ACVR1: variants seen among roughly 807,000 people sequenced by gnomAD.
ACVR1 encodes the protein activin receptor type-1.
ACVR1 carries 38 observed loss-of-function variants against 57.1 expected under a neutral mutation model. The ratio of observed to expected loss-of-function variants is 0.67; its 90% CI spans 0.51 to 0.87. ACVR1 has a LOEUF of 0.87. Among genes scored for constraint, ACVR1 ranks in the 40% least tolerant of loss-of-function variants. The pLI, the probability that ACVR1 is intolerant of heterozygous loss-of-function variation, is 0.00. For missense variants in ACVR1, 463 were observed against 638.2 expected (o/e 0.73, Z 2.96); for synonymous variants, 212 against 228.1 (o/e 0.93, Z 0.63).
chr2:157,871,930 C>T (rs1159406976), intron 1 of ACVR1, among the ~76,000 whole-genome samples: 3 of 152,172 alleles, frequency 2.0e-5, no homozygotes, highest in African/African-American at 7.2e-5. Flanking sequence ...GAGGCTCTTT[C>T]AAAAGGAGTC....
At chr2:157,773,441 C>G (rs906631286) in intron 6 of ACVR1, among the ~76,000 whole-genome samples, 5 of 152,264 alleles carry the variant, frequency 3.3e-5, no homozygotes, top group Middle Eastern at 6.8e-3. Context: ...TATCATTCCA[C>G]GGACTGCTAC....
At chr2:157,783,546 G>A (rs1188548720) in intron 3 of ACVR1, among the ~76,000 whole-genome samples, 1 of 152,118 alleles carries the variant, frequency 6.6e-6, no homozygotes, top group Admixed American at 6.5e-5. Flanking sequence ...GTTGTATGTG[G>A]ACAACCAGGG....
chr2:157,767,013 TGGA>T (rs1197621237), intron 7 of ACVR1, among the ~76,000 whole-genome samples: 2 of 151,710 alleles, frequency 1.3e-5, no homozygotes, highest in African/African-American at 2.4e-5. Flanking sequence ...ATGAAGAGGT[TGGA>T]GAAGATTTTT....
At chr2:157,785,359 G>A (rs1490466322) in intron 3 of ACVR1, among the ~76,000 whole-genome samples, 1 of 152,204 alleles carries the variant, frequency 6.6e-6, no homozygotes, top group Admixed American at 6.5e-5. Flanking sequence ...GAGGTTTATA[G>A]ATTATAGGAG....
At chr2:157,750,827 A>G (rs111882054) in intron 9 of ACVR1, among the ~76,000 whole-genome samples, 2,597 of 152,306 alleles carry the variant, frequency 0.017, 68 homozygotes, top group African/African-American at 0.056. Context: ...AGAGAACACA[A>G]GTTAAAAATA....
intron 1 of ACVR1, among the ~76,000 whole-genome samples, chr2:157,827,184 T>C (rs564026066): frequency 4.6e-5 from 7 of 152,134 alleles, no homozygotes; most frequent in Non-Finnish European, 1.0e-4. Context: ...TTCCTAATTA[T>C]GATTGAACAA....
intron 1 of ACVR1, among the ~76,000 whole-genome samples, chr2:157,824,055 G>A (rs1207230425): frequency 6.6e-6 from 1 of 152,194 alleles, no homozygotes; most frequent in Non-Finnish European, 1.5e-5. Flanking sequence ...GGTAGCTAAT[G>A]TTGTAAACTC....
chr2:157,771,071 A>G (rs10182578), intron 6 of ACVR1, among the ~76,000 whole-genome samples: 3,244 of 152,344 alleles, frequency 0.021, 118 homozygotes, highest in African/African-American at 0.074. Flanking sequence ...TTAAAAAACA[A>G]AAACAAACCA....
At chr2:157,827,471 C>CA (rs1162896895) in intron 1 of ACVR1, among the ~76,000 whole-genome samples, 1 of 152,128 alleles carries the variant, frequency 6.6e-6, no homozygotes, top group Non-Finnish European at 1.5e-5. Context: ...TCAGACAAGC[C>CA]ATGAATTGTA....
chr2:157,834,481 T>C (rs59245213), intron 1 of ACVR1, among the ~76,000 whole-genome samples: 12,470 of 152,098 alleles, frequency 0.082, 893 homozygotes, highest in East Asian at 0.37. Context: ...CATATGTGAA[T>C]ATGCTCTTTC....
At chr2:157,750,552 A>G (rs1685143397) in intron 9 of ACVR1, among the ~76,000 whole-genome samples, 1 of 152,100 alleles carries the variant, frequency 6.6e-6, no homozygotes, top group Admixed American at 6.5e-5. Flanking sequence ...GAACACACCC[A>G]GAATCAAAAC....
chr2:157,747,835 A>G (rs532797728), intron 9 of ACVR1, among the ~76,000 whole-genome samples: 2 of 152,314 alleles, frequency 1.3e-5, no homozygotes, highest in East Asian at 3.9e-4. Context: ...ATATCAAATT[A>G]GTCATTGCCA....
At chr2:157,783,387 C>G (rs562884226) in intron 3 of ACVR1, among the ~76,000 whole-genome samples, 1 of 152,264 alleles carries the variant, frequency 6.6e-6, no homozygotes, top group South Asian at 2.1e-4. Flanking sequence ...GTGACAGCCT[C>G]AAGTAAATAT....
At chr2:157,789,056 T>G (rs1196278612) in intron 3 of ACVR1, among the ~76,000 whole-genome samples, 36 of 152,188 alleles carry the variant, frequency 2.4e-4, no homozygotes, top group Admixed American at 2.4e-3. Context: ...CCAAAACAAT[T>G]CATTAATTCT....
intron 1 of ACVR1, among the ~76,000 whole-genome samples, chr2:157,826,013 C>T (rs746500997): frequency 6.6e-6 from 1 of 152,192 alleles, no homozygotes; most frequent in Non-Finnish European, 1.5e-5. Context: ...ATGAGACATC[C>T]GTGTTGTAAC....
chr2:157,850,889 G>A (rs1689275084), intron 1 of ACVR1, among the ~76,000 whole-genome samples: 1 of 152,064 alleles, frequency 6.6e-6, no homozygotes, highest in African/African-American at 2.4e-5. Flanking sequence ...CCTGGGAGGC[G>A]GAGGTTGTAA....
intron 3 of ACVR1, among the ~76,000 whole-genome samples, chr2:157,792,688 T>C (rs1433448526): frequency 6.6e-6 from 1 of 152,228 alleles, no homozygotes; most frequent in African/African-American, 2.4e-5. Flanking sequence ...GGTTTCTTTC[T>C]GTCTTTTCAA....
chr2:157,788,351 T>C (rs957157159), intron 3 of ACVR1, among the ~76,000 whole-genome samples: 1 of 152,208 alleles, frequency 6.6e-6, no homozygotes, highest in Non-Finnish European at 1.5e-5. Context: ...GCTGTTTGAG[T>C]AGCATGATGG....
intron 3 of ACVR1, among the ~76,000 whole-genome samples, chr2:157,783,119 C>A (rs1431708656): frequency 1.3e-5 from 2 of 152,162 alleles, no homozygotes; most frequent in African/African-American, 4.8e-5. Flanking sequence ...CCTAAACGGA[C>A]AGTCCAGGGA....
Sources: gnomAD v4.1 joint callset for allele counts (sites outside exome capture counted in the v4.1 genomes callset) on GRCh38, gnomAD v4.1.1 for gene constraint, MANE v1.5 for transcripts, NCBI Gene and HGNC (gene_info 2026-07-23, HGNC 2026-07-21) for gene names.